PIK3CD: variants seen among roughly 807,000 people sequenced by gnomAD.
PIK3CD encodes phosphatidylinositol 4,5-bisphosphate 3-kinase catalytic subunit delta isoform.
In PIK3CD, 20 loss-of-function variants were observed where a neutral mutation model predicts 122.9. That is an observed-to-expected ratio of 0.16 (90% CI 0.11 to 0.24). The LOEUF is 0.24. Among genes scored for constraint, PIK3CD ranks in the 10% least tolerant of loss-of-function variants. The probability of loss-of-function intolerance (pLI) is 1.00; values close to 1 mark genes in which losing one functional copy is unlikely to be tolerated. For synonymous variants in PIK3CD, 596 were observed against 593.4 expected (o/e 1.00, Z -0.06); for missense variants, 787 against 1,406.3 (o/e 0.56, Z 7.04).
intron 2 of PIK3CD, among the ~76,000 whole-genome samples, chr1:9,694,492 C>T (rs1230841257): frequency 6.6e-6 from 1 of 152,090 alleles, no homozygotes; most frequent in East Asian, 1.9e-4. Context: ...CAAGATCACG[C>T]CACTGCACTT....
Position 9,666,561 on chromosome 1 carries a change from G to A in PIK3CD, c.-138+14759G>A, listed in dbSNP as rs114213094. On this transcript the variant is annotated intron_variant, in intron 1 of 23. Transcript: ENST00000377346. ...TCAAAGATTTTCTGATTGGCAACTC[G>A]TTGAAAGAGTTAAGCTTTGTCTTGA... is the stretch of plus-strand genomic sequence containing the variant. 1.9e-3 allele frequency among the ~76,000 whole-genome samples: 287 copies of A among 151,710 alleles called. 2 individuals carry two copies. Among genetic ancestry groups the A allele is most frequent in the African/African-American group, 6.2e-3 (258 of 41,370 alleles).
chr1:9,689,225 A>G lies in PIK3CD; in HGVS notation c.-137-2242A>G, dbSNP rs1646092462. On this transcript the variant is annotated intron_variant, in intron 1 of 23. Coordinates refer to ENST00000377346, the MANE Select transcript of PIK3CD (RefSeq NM_005026.5). This position sits in a 1 kb window ranked among gnomAD's most constrained non-coding sequence, Gnocchi z 6.1. The stretch of plus-strand genomic sequence containing the variant: ...ATTTATTGATTGTAAGGTGAAACCT[A>G]GGCCAGAGCCAGCGTGCGCGCGCCG... Among the ~76,000 whole-genome samples, 1 of 152,214 alleles carries G rather than the reference A, an allele frequency of 6.6e-6. No individual in the cohort carries two copies. Among genetic ancestry groups the G allele is most frequent in the African/African-American group, 2.4e-5 (1 of 41,472 alleles).
Position 9,691,577 on chromosome 1 carries a change from T to C in PIK3CD, c.-33+6T>C, listed in dbSNP as rs1646197558. The C allele has an allele frequency of 2.5e-6, 1 of 398,212 alleles. No individual in the cohort carries two copies. The highest frequency in any genetic ancestry group is 4.4e-6 in the Non-Finnish European group (1 of 225,988). The allele number at this position is 398,212 out of a possible 1,614,324, so 24.7% of individuals were successfully genotyped here. On this transcript the variant is annotated splice_donor_region_variant and intron_variant, in intron 2 of 23. Transcript: ENST00000377346. ...TCTTGGACTATTCCAGAGAGGTAGG[T>C]TGGGGGAACGGGCCAAGTGTGTGGG...
chr1:9,704,177 G>A lies in PIK3CD; in HGVS notation c.-32-6247G>A, dbSNP rs1317649426. On this transcript the variant is annotated intron_variant, in intron 2 of 23. Transcript: ENST00000377346. The surrounding 1 kb of genome is among the most constrained non-coding windows in gnomAD (Gnocchi z 5.0). Reference sequence around the variant, plus strand: ...CTGGTGACAGGACCTGGCATTTGATGTCCTGTGCAGACCAGTCTGATACTT... The same window carrying A: ...CTGGTGACAGGACCTGGCATTTGATATCCTGTGCAGACCAGTCTGATACTT... 1.3e-5 allele frequency among the ~76,000 whole-genome samples: 2 copies of A among 152,182 alleles called. No individual in the cohort carries two copies. Among genetic ancestry groups the A allele is most frequent in the African/African-American group, 4.8e-5 (2 of 41,448 alleles).
At chr1:9,706,257 G>T (rs562133306) in intron 2 of PIK3CD, among the ~76,000 whole-genome samples, 1 of 151,378 alleles carries the variant, frequency 6.6e-6, no homozygotes, top group African/African-American at 2.4e-5. Flanking sequence ...TAGAGAGGCC[G>T]AGGTGGGAGG....
At position 9,701,668 on chromosome 1, in the gene PIK3CD, C is replaced by CAA. The variant is rs1163030937; in HGVS notation, c.-32-8736_-32-8735dup. Reference sequence around the variant, plus strand: ...TGGGCGACAGAGCAAGACTCTGTCTCAAAAAAAAAAAAAAAAAAAAATCCA... The same window carrying CAA: ...TGGGCGACAGAGCAAGACTCTGTCTCAAAAAAAAAAAAAAAAAAAAAAATCCA... On this transcript the variant is annotated intron_variant, in intron 2 of 23. Coordinates refer to ENST00000377346, the MANE Select transcript of PIK3CD (RefSeq NM_005026.5). 1.8e-3 allele frequency among the ~76,000 whole-genome samples: 140 copies of CAA among 78,898 alleles called. 1 individual carries two copies. In the Middle Eastern group the frequency reaches 0.037, roughly 21 times the overall value. The allele number at this position is 78,898 out of a possible 152,430, so 51.8% of individuals were successfully genotyped here.
At chr1:9,713,428 C>A (rs996363791) in intron 3 of PIK3CD, among the ~76,000 whole-genome samples, 2 of 152,132 alleles carry the variant, frequency 1.3e-5, no homozygotes, top group Admixed American at 6.6e-5. Flanking sequence ...TACCTCTGAT[C>A]CAGCCATATG....
At chr1:9,692,212 G>A (rs1302290415) in intron 2 of PIK3CD, among the ~76,000 whole-genome samples, 4 of 152,158 alleles carry the variant, frequency 2.6e-5, no homozygotes, top group Non-Finnish European at 4.4e-5. Context: ...CCATGACTGC[G>A]AGACCTGCCG....
At chr1:9,705,873 C>T (rs1414024677) in intron 2 of PIK3CD, among the ~76,000 whole-genome samples, 3 of 152,070 alleles carry the variant, frequency 2.0e-5, no homozygotes, top group East Asian at 1.9e-4. Context: ...AGATTGCTGA[C>T]GGGCACCACC....
At chr1:9,672,565 A>C (rs1645364260) in intron 1 of PIK3CD, 1 of 152,198 alleles carries the variant, frequency 6.6e-6, no homozygotes. Flanking sequence ...AGTAGCTCCC[A>C]AGTGCACACT....
At chr1:9,664,076 G>T (rs1016908256) in intron 1 of PIK3CD, among the ~76,000 whole-genome samples, 1 of 125,140 alleles carries the variant, frequency 8.0e-6, no homozygotes. Context: ...TTGAGACGGA[G>T]TCTCACTCTG....
At chr1:9,642,280 T>A in the PIK3CD span, among the ~76,000 whole-genome samples, 1 of 151,386 alleles carries the variant, frequency 6.6e-6, no homozygotes, top group Non-Finnish European at 1.5e-5. Flanking sequence ...GCCCAGCTAA[T>A]TTTTGTATTT....
chr1:9,716,715 C>G, intron 6 of PIK3CD, 96 bp downstream of exon 6: 1 of 1,356,200 alleles, frequency 7.4e-7, no homozygotes, highest in Non-Finnish European at 1.0e-6. Context: ...GCACCTTGAG[C>G]CTGCCGAGCC....
chr1:9,657,589 A>G (rs1644894494), intron 1 of PIK3CD, among the ~76,000 whole-genome samples: 1 of 151,830 alleles, frequency 6.6e-6, no homozygotes, highest in South Asian at 2.1e-4. Flanking sequence ...GGGTCCCAGG[A>G]GCAGAAAACT....
chr1:9,720,645 A>C lies in PIK3CD; in HGVS notation c.1505A>C (p.His502Pro). The change falls in exon 12 of 24, where the codon CAT (histidine) becomes CCT (proline). Residue 502 changes from histidine (H) to proline (P), a missense_variant. His to Pro is a moderately conservative substitution (Grantham distance 77). Transcript: ENST00000377346. The surrounding 1 kb of genome is among the most constrained non-coding windows in gnomAD (Gnocchi z 9.0). The part of the protein sequence containing the change: ...LELGRHSECV[H>P]VTEEEQLQLR... ...CTGGGGCGACACAGCGAGTGTGTGC[A>C]TGTCACCGAGGAGGAGGTGAGTGGG... 6.2e-6 allele frequency: 5 copies of C among 805,640 alleles called. No homozygotes were observed. Among genetic ancestry groups the C allele is most frequent in the Non-Finnish European group, 8.8e-6 (5 of 565,546 alleles). 49.9% of individuals were successfully genotyped at this position (805,640 alleles called of 1,614,324 possible).
chr1:9,635,084 G>A, the PIK3CD span, among the ~76,000 whole-genome samples: 1 of 152,106 alleles, frequency 6.6e-6, no homozygotes, highest in African/African-American at 2.4e-5. Flanking sequence ...CTGAGGTCAG[G>A]AGTATGAGAC....
chr1:9,695,749 G>T (rs1313246480), intron 2 of PIK3CD, among the ~76,000 whole-genome samples: 1 of 151,762 alleles, frequency 6.6e-6, no homozygotes, highest in Non-Finnish European at 1.5e-5. Flanking sequence ...GGCTGAGGCA[G>T]GAGAATCGCT....
the PIK3CD span, among the ~76,000 whole-genome samples, chr1:9,635,885 G>A: frequency 6.6e-6 from 1 of 152,234 alleles, no homozygotes; most frequent in African/African-American, 2.4e-5. Flanking sequence ...AGACATGTGA[G>A]CATCTGGCTG....
chr1:9,632,020 T>G, the PIK3CD span, among the ~76,000 whole-genome samples: 2 of 151,950 alleles, frequency 1.3e-5, no homozygotes, highest in Non-Finnish European at 2.9e-5. Context: ...TTTTTTATTT[T>G]TGTTTTTTTG....
Sources: allele counts gnomAD v4.1 joint callset (sites outside exome capture counted in the v4.1 genomes callset), GRCh38; gene constraint gnomAD v4.1.1; non-coding constraint Gnocchi (gnomAD v3.1); transcripts MANE v1.5; gene names NCBI Gene and HGNC (gene_info 2026-07-23, HGNC 2026-07-21).